SLC35F3: variants seen among roughly 807,000 people sequenced by gnomAD.
SLC35F3 encodes putative thiamine transporter SLC35F3.
In SLC35F3, 25 loss-of-function variants were observed where a neutral mutation model predicts 49.9. The observed-to-expected ratio is 0.50, with a 90% CI of 0.37 to 0.70. SLC35F3 has a LOEUF of 0.70. Ranked by LOEUF, SLC35F3 falls within the 30% of genes least tolerant of loss-of-function variation. The pLI is 0.00. For synonymous variants in SLC35F3, 275 were observed against 265.4 expected (o/e 1.04, Z -0.35); for missense variants, 525 against 639.8 (o/e 0.82, Z 1.94).
chr1:233,980,488 T>C (rs564941148), intron 2 of SLC35F3, among the ~76,000 whole-genome samples: 3 of 152,320 alleles, frequency 2.0e-5, no homozygotes, highest in Admixed American at 6.5e-5. Context: ...AGGGACTTTC[T>C]GACTCCCCCG....
intron 3 of SLC35F3, chr1:234,285,334 T>A: frequency 2.1e-6 from 1 of 483,954 alleles, no homozygotes; most frequent in Non-Finnish European, 4.2e-6. Flanking sequence ...GGAAAATACA[T>A]CCGCAGGGTT....
chr1:234,195,640 C>G (rs1666796704), intron 2 of SLC35F3, among the ~76,000 whole-genome samples: 1 of 152,066 alleles, frequency 6.6e-6, no homozygotes, highest in African/African-American at 2.4e-5. Flanking sequence ...TCCTGAAAAC[C>G]CATTAATACC....
intron 3 of SLC35F3, among the ~76,000 whole-genome samples, chr1:234,244,075 A>T (rs1474014089): frequency 6.6e-6 from 1 of 152,188 alleles, no homozygotes; most frequent in Non-Finnish European, 1.5e-5. Context: ...TGAACAGAAG[A>T]GTTTGGCATA....
At chr1:234,103,341 CACAACT>C (rs1226221494) in intron 2 of SLC35F3, among the ~76,000 whole-genome samples, 1 of 152,022 alleles carries the variant, frequency 6.6e-6, no homozygotes, top group Non-Finnish European at 1.5e-5. Flanking sequence ...TGCCTTCAAT[CACAACT>C]ACATCTGGCC....
intron 2 of SLC35F3, among the ~76,000 whole-genome samples, chr1:234,063,890 G>A (rs1179252036): frequency 2.0e-5 from 3 of 152,164 alleles, no homozygotes; most frequent in Non-Finnish European, 4.4e-5. Flanking sequence ...AGCTAGGAAC[G>A]ATCTGAGACC....
intron 3 of SLC35F3, chr1:234,274,268 C>G (rs1413216331): frequency 6.6e-6 from 1 of 152,248 alleles, no homozygotes; most frequent in African/African-American, 2.4e-5. Context: ...TCTGTGTATT[C>G]AGCGTCACCA....
chr1:234,063,146 C>T (rs139651565), intron 2 of SLC35F3, among the ~76,000 whole-genome samples: 26 of 152,216 alleles, frequency 1.7e-4, no homozygotes, highest in East Asian at 1.2e-3. Flanking sequence ...GTCCTGTTCC[C>T]GGACCAAATT....
chr1:234,064,504 T>A (rs1664586988), intron 2 of SLC35F3, among the ~76,000 whole-genome samples: 1 of 152,192 alleles, frequency 6.6e-6, no homozygotes, highest in Admixed American at 6.5e-5. Context: ...TCCTAGATGT[T>A]TTCCTCCAGC....
At chr1:234,316,192 G>A (rs901175768) in intron 4 of SLC35F3, among the ~76,000 whole-genome samples, 4 of 152,208 alleles carry the variant, frequency 2.6e-5, no homozygotes, top group Non-Finnish European at 5.9e-5. Context: ...GTCACAGGAG[G>A]TACTTTCAGA....
At chr1:234,297,380 T>C (rs758377201) in intron 3 of SLC35F3, among the ~76,000 whole-genome samples, 12 of 152,196 alleles carry the variant, frequency 7.9e-5, no homozygotes, top group African/African-American at 1.2e-4. Flanking sequence ...CGATTCACAA[T>C]AGCCAGCTTC....
intron 2 of SLC35F3, among the ~76,000 whole-genome samples, chr1:234,172,417 G>T (rs1666412419): frequency 6.6e-6 from 1 of 152,106 alleles, no homozygotes; most frequent in Admixed American, 6.5e-5. Flanking sequence ...AGTAGAGATG[G>T]GGTTTCACTG....
chr1:234,257,608 T>C (rs1003383652), intron 3 of SLC35F3, among the ~76,000 whole-genome samples: 1 of 152,274 alleles, frequency 6.6e-6, no homozygotes, highest in African/African-American at 2.4e-5. Flanking sequence ...GCATTATAGC[T>C]GGTTCATTAG....
intron 2 of SLC35F3, among the ~76,000 whole-genome samples, chr1:233,975,199 A>G (rs755794407): frequency 1.8e-4 from 28 of 152,260 alleles, no homozygotes; most frequent in Admixed American, 1.4e-3. Flanking sequence ...TCCATAGACC[A>G]TATTTTGATA....
At chr1:234,191,829 T>G (rs745497819) in intron 2 of SLC35F3, among the ~76,000 whole-genome samples, 13 of 152,106 alleles carry the variant, frequency 8.5e-5, no homozygotes, top group Middle Eastern at 3.4e-3. Flanking sequence ...GTGAACACCT[T>G]TACACACATA....
chr1:233,949,798 A>G (rs1161216907), intron 2 of SLC35F3, among the ~76,000 whole-genome samples: 1 of 152,086 alleles, frequency 6.6e-6, no homozygotes, highest in Non-Finnish European at 1.5e-5. Flanking sequence ...AGAACGTAAG[A>G]CATCAGGGAA....
intron 2 of SLC35F3, among the ~76,000 whole-genome samples, chr1:234,061,743 TCCC>T (rs1178799752): frequency 6.6e-6 from 1 of 152,150 alleles, no homozygotes; most frequent in Non-Finnish European, 1.5e-5. Context: ...CACTGTTGAG[TCCC>T]TCTACTAAAT....
At position 234,049,267 on chromosome 1, in the gene SLC35F3, T is replaced by C. The variant is rs1243593453; in HGVS notation, c.283+143509T>C. ...AAATAATTAAGGTTAAATTATGTAATAAGAGTGCTGCCCTGATCCAATAGG... is the reference window on the plus strand; with the variant it reads ...AAATAATTAAGGTTAAATTATGTAACAAGAGTGCTGCCCTGATCCAATAGG... On this transcript the variant is annotated intron_variant, in intron 2 of 7. Transcript: ENST00000366618. 3.9e-5 allele frequency among the ~76,000 whole-genome samples: 6 copies of C among 152,154 alleles called. 1 individual carries two copies. The highest frequency in any genetic ancestry group is 3.9e-4 in the Admixed American group (6 of 15,276).
chr1:234,149,232 A>T (rs545457535), intron 2 of SLC35F3, among the ~76,000 whole-genome samples: 98 of 152,346 alleles, frequency 6.4e-4, no homozygotes, highest in Non-Finnish European at 1.2e-3. Context: ...CCTTGGGGAC[A>T]TAAAATACCC....
chr1:234,257,288 A>C (rs961549639), intron 3 of SLC35F3, among the ~76,000 whole-genome samples: 4 of 152,212 alleles, frequency 2.6e-5, no homozygotes, highest in Non-Finnish European at 5.9e-5. Context: ...TATTCAAGTC[A>C]TTCTCTTTTA....
Sources: gnomAD v4.1 joint callset for allele counts (sites outside exome capture counted in the v4.1 genomes callset) on GRCh38, gnomAD v4.1.1 for gene constraint, MANE v1.5 for transcripts, NCBI Gene and HGNC (gene_info 2026-07-23, HGNC 2026-07-21) for gene names.